Variants in SNTG1 observed in about 807,000 individuals in gnomAD.
SNTG1 encodes the protein gamma-1-syntrophin.
In SNTG1, 39 loss-of-function variants were observed where a neutral mutation model predicts 74.7. That is an observed-to-expected ratio of 0.52 (90% CI 0.40 to 0.68). The LOEUF (loss-of-function observed/expected upper bound fraction) is 0.68, where lower values mean the gene tolerates loss of function less well. SNTG1 is among the 30% of genes least tolerant of loss of function. The pLI, the probability that SNTG1 is intolerant of heterozygous loss-of-function variation, is 0.00. For synonymous variants in SNTG1, 254 were observed against 217.1 expected, an observed-to-expected ratio of 1.17 and a Z score of -1.49; for missense variants, 685 against 609.5, an observed-to-expected ratio of 1.12 and a Z score of -1.30.
chr8:50,036,809 G>A (rs1818207524), intron 1 of SNTG1, among the ~76,000 whole-genome samples: 1 of 152,214 alleles, frequency 6.6e-6, no homozygotes, highest in African/African-American at 2.4e-5. Context: ...CATTTTCTAA[G>A]AAATATTATA....
intron 2 of SNTG1, among the ~76,000 whole-genome samples, chr8:50,331,409 A>G (rs774189850): frequency 1.3e-5 from 2 of 152,198 alleles, no homozygotes; most frequent in Non-Finnish European, 2.9e-5. Flanking sequence ...TCCAAGCTAG[A>G]GAAACAGCCC....
chr8:50,676,131 G>A (rs1332554591), intron 15 of SNTG1, among the ~76,000 whole-genome samples: 1 of 151,950 alleles, frequency 6.6e-6, no homozygotes, highest in Non-Finnish European at 1.5e-5. Context: ...TTCTCATAGA[G>A]TATCTTAGTG....
chr8:50,463,315 A>T (rs1554535069), intron 8 of SNTG1, among the ~76,000 whole-genome samples: 1 of 152,140 alleles, frequency 6.6e-6, no homozygotes. Flanking sequence ...AATCCTGTCC[A>T]GAAGGTTTTA....
chr8:50,641,770 G>A (rs866187015), intron 13 of SNTG1, among the ~76,000 whole-genome samples: 9 of 152,228 alleles, frequency 5.9e-5, no homozygotes, highest in Middle Eastern at 6.8e-3. Flanking sequence ...CTTTCATGAC[G>A]TAAAAATTGC....
At chr8:50,640,981 T>C (rs1056647393) in intron 13 of SNTG1, among the ~76,000 whole-genome samples, 4 of 152,184 alleles carry the variant, frequency 2.6e-5, no homozygotes, top group Admixed American at 2.6e-4. Context: ...AATTCCATAA[T>C]CAAGTATTAT....
chr8:50,058,254 T>A (rs1586087254), intron 1 of SNTG1, among the ~76,000 whole-genome samples: 2 of 152,160 alleles, frequency 1.3e-5, no homozygotes, highest in Non-Finnish European at 2.9e-5. Context: ...AAACAAATAC[T>A]ATGCTTTTTC....
chr8:50,246,458 A>G (rs2086403163), intron 2 of SNTG1, among the ~76,000 whole-genome samples: 1 of 151,940 alleles, frequency 6.6e-6, no homozygotes, highest in Admixed American at 6.6e-5. Flanking sequence ...AACCAAGTCA[A>G]TCCACTCTTC....
Position 50,334,505 on chromosome 8 carries a change from T to TAA in SNTG1, c.-27-59694_-27-59693dup, listed in dbSNP as rs34886446. 2.3e-3 allele frequency among the ~76,000 whole-genome samples: 316 copies of TAA among 137,258 alleles called. 3 individuals are homozygous for TAA. Among genetic ancestry groups the TAA allele is most frequent in the African/African-American group, 7.3e-3 (278 of 37,924 alleles). 90.0% of individuals were successfully genotyped at this position (137,258 alleles called of 152,430 possible). Reference sequence around the variant, plus strand: ...ATTTTGTCCTCATTTATATCTCTGCTAAAAAAAAAAAAAAGGAAATAGCAG... The same window carrying TAA: ...ATTTTGTCCTCATTTATATCTCTGCTAAAAAAAAAAAAAAAAGGAAATAGCAG... On this transcript the variant is annotated intron_variant, in intron 2 of 18. Coordinates refer to ENST00000642720, the MANE Select transcript of SNTG1 (RefSeq NM_018967.5).
intron 13 of SNTG1, among the ~76,000 whole-genome samples, chr8:50,628,681 G>A (rs542885073): frequency 3.3e-5 from 5 of 152,070 alleles, no homozygotes; most frequent in African/African-American, 9.6e-5. Context: ...AACTGAATAA[G>A]CTATATTTCT....
chr8:50,708,804 A>C, intron 16 of SNTG1, 82 bp from the exon 17 acceptor site: 1 of 816,948 alleles, frequency 1.2e-6, no homozygotes, highest in South Asian at 1.7e-5. Context: ...TGAAGTACTT[A>C]TTGCAGAAGC....
intron 2 of SNTG1, among the ~76,000 whole-genome samples, chr8:50,251,351 A>G (rs1307489202): frequency 6.6e-6 from 1 of 152,004 alleles, no homozygotes; most frequent in Non-Finnish European, 1.5e-5. Context: ...AGAAATCGTT[A>G]ACAAACTTGC....
At chr8:50,274,395 A>G (rs2087972904) in intron 2 of SNTG1, among the ~76,000 whole-genome samples, 1 of 151,340 alleles carries the variant, frequency 6.6e-6, no homozygotes, top group Non-Finnish European at 1.5e-5. Flanking sequence ...CAATATATAA[A>G]TCATGTACCC....
intron 15 of SNTG1, among the ~76,000 whole-genome samples, chr8:50,670,058 G>A (rs370576774): frequency 1.3e-5 from 2 of 151,788 alleles, no homozygotes; most frequent in African/African-American, 4.8e-5. Context: ...AATAAGAGCT[G>A]TCTATGACAA....
intron 18 of SNTG1, among the ~76,000 whole-genome samples, chr8:50,783,780 T>G (rs904283118): frequency 6.6e-6 from 1 of 152,218 alleles, no homozygotes; most frequent in South Asian, 2.1e-4. Context: ...AAATCACTGG[T>G]CTTCTGCGTC....
chr8:50,609,097 A>T (rs1460292720), intron 13 of SNTG1, among the ~76,000 whole-genome samples: 1 of 152,070 alleles, frequency 6.6e-6, no homozygotes, highest in African/African-American at 2.4e-5. Context: ...TTAAAACAGA[A>T]AAGTTCCTTT....
intron 2 of SNTG1, among the ~76,000 whole-genome samples, chr8:50,219,060 C>G (rs1224582598): frequency 6.6e-6 from 1 of 152,138 alleles, no homozygotes; most frequent in South Asian, 2.1e-4. Context: ...TAGGAAAGAA[C>G]TAACTATGAA....
At chr8:50,435,965 C>G (rs952425184) in intron 4 of SNTG1, among the ~76,000 whole-genome samples, 1 of 152,078 alleles carries the variant, frequency 6.6e-6, no homozygotes, top group Non-Finnish European at 1.5e-5. Context: ...TTTGAGGACC[C>G]TGCGATGCTT....
chr8:50,715,637 C>T (rs1383293805), intron 17 of SNTG1, among the ~76,000 whole-genome samples: 1 of 152,018 alleles, frequency 6.6e-6, no homozygotes, highest in Admixed American at 6.5e-5. Flanking sequence ...CTCTTTATCT[C>T]CTTTATTAGC....
intron 1 of SNTG1, among the ~76,000 whole-genome samples, chr8:50,155,017 T>A (rs1389201294): frequency 1.3e-5 from 2 of 152,236 alleles, no homozygotes; most frequent in Admixed American, 1.3e-4. Flanking sequence ...ACAACTTTTT[T>A]CTATGAAATT....
Sources: allele counts gnomAD v4.1 joint callset (sites outside exome capture counted in the v4.1 genomes callset), GRCh38; gene constraint gnomAD v4.1.1; transcripts MANE v1.5; gene names NCBI Gene and HGNC (gene_info 2026-07-23, HGNC 2026-07-21).